Variants in EIF2AK4 observed in about 807,000 individuals in gnomAD.
The protein encoded by EIF2AK4 is eukaryotic translation initiation factor 2 alpha kinase 4, also known as eIF-2-alpha kinase GCN2.
Under a neutral mutation model 211.1 loss-of-function variants are expected in EIF2AK4, and 139 were observed. The observed-to-expected ratio is 0.66, with a 90% CI of 0.57 to 0.76. The LOEUF (loss-of-function observed/expected upper bound fraction) is 0.76, where lower values mean the gene tolerates loss of function less well. Among genes scored for constraint, EIF2AK4 ranks in the 30% least tolerant of loss-of-function variants. EIF2AK4 has a pLI of 0.00. For missense variants in EIF2AK4, 1,664 were observed against 2,043.8 expected, an observed-to-expected ratio of 0.81 and a Z score of 3.58; for synonymous variants, 710 against 751.3, an observed-to-expected ratio of 0.94 and a Z score of 0.90.
chr15:40,005,733 G>A (rs563963057), intron 23 of EIF2AK4, among the ~76,000 whole-genome samples: 55 of 151,514 alleles, frequency 3.6e-4, no homozygotes, highest in African/African-American at 1.2e-3. Context: ...TACCATGCCC[G>A]GCTAATTTTT....
At chr15:40,012,070 T>C (rs1486685565) in intron 27 of EIF2AK4, among the ~76,000 whole-genome samples, 4 of 152,208 alleles carry the variant, frequency 2.6e-5, no homozygotes, top group Non-Finnish European at 4.4e-5. Context: ...CTCAATTATA[T>C]GATCTTGCAT....
At position 40,028,703 on chromosome 15, in the gene EIF2AK4, A is replaced by C. The variant is rs373468914; in HGVS notation, c.4503-703A>C. ...CACCATTAGGTGTTTCTGAGGGAAC[A>C]TAATGTTCTGGAAATCACCAGTATT... On this transcript the variant is annotated intron_variant, in intron 33 of 38. Coordinates refer to ENST00000263791, the MANE Select transcript of EIF2AK4 (RefSeq NM_001013703.4). Among the ~76,000 whole-genome samples, 4 of 152,332 alleles carry C rather than the reference A, an allele frequency of 2.6e-5. No individual in the cohort carries two copies. The South Asian group carries it at 8.3e-4, about 32-fold the overall frequency.
chr15:39,965,339 G>A (rs977253759), intron 7 of EIF2AK4, among the ~76,000 whole-genome samples: 2 of 152,124 alleles, frequency 1.3e-5, no homozygotes, highest in African/African-American at 4.8e-5. Context: ...GTCCAGGCTG[G>A]TCTCGAACTC....
At chr15:39,979,747 C>T (rs576157844) in intron 13 of EIF2AK4, among the ~76,000 whole-genome samples, 2 of 152,230 alleles carry the variant, frequency 1.3e-5, no homozygotes, top group East Asian at 3.9e-4. Context: ...AAATGGCCAT[C>T]CCAGATAGAT....
Position 39,964,435 on chromosome 15 carries a change from T to A in EIF2AK4, c.860-1251T>A, listed in dbSNP as rs141393993. ...AGCCTGCAGGACATTTGATGATGTC[T>A]GCACACATTTTTGATGGCTAACATT... On this transcript the variant is annotated intron_variant, in intron 7 of 38. Coordinates refer to ENST00000263791, the MANE Select transcript of EIF2AK4 (RefSeq NM_001013703.4). Among the ~76,000 whole-genome samples, 464 of 152,300 alleles carry A rather than the reference T, an allele frequency of 3.0e-3. 1 individual carries two copies. Among genetic ancestry groups the A allele is most frequent in the Non-Finnish European group, 5.7e-3 (386 of 68,018 alleles).
intron 23 of EIF2AK4, among the ~76,000 whole-genome samples, chr15:40,003,764 T>C (rs1227730790): frequency 6.6e-6 from 1 of 152,252 alleles, no homozygotes; most frequent in East Asian, 1.9e-4. Flanking sequence ...TGCCCGTGCC[T>C]GCTTTCTTCC....
intron 31 of EIF2AK4, chr15:40,022,214 GTA>G (rs761754554): frequency 0.027 from 6,357 of 232,378 alleles, 352 homozygotes; most frequent in African/African-American, 0.083. Flanking sequence ...GTGTGTGTGT[GTA>G]TGTTGTGTTG....
chr15:39,983,384 T>G (rs374682056), intron 13 of EIF2AK4, among the ~76,000 whole-genome samples: 3 of 152,354 alleles, frequency 2.0e-5, no homozygotes, highest in East Asian at 3.9e-4. Flanking sequence ...TTGCCCACTT[T>G]TTGATGGAGT....
chr15:39,997,695 G>C (rs1474451289), intron 19 of EIF2AK4, among the ~76,000 whole-genome samples: 1 of 152,124 alleles, frequency 6.6e-6, no homozygotes, highest in Non-Finnish European at 1.5e-5. Context: ...CCCTTGAAAT[G>C]TTTTTCCCAA....
chr15:39,956,216 G>A (rs1405669478), intron 6 of EIF2AK4, among the ~76,000 whole-genome samples: 1 of 151,984 alleles, frequency 6.6e-6, no homozygotes, highest in Admixed American at 6.6e-5. Context: ...GTGTTGGCCA[G>A]GCTGGTCTCG....
Position 39,973,661 on chromosome 15 carries a change from G to A in EIF2AK4, c.1730G>A (p.Ser577Asn), listed in dbSNP as rs1444155957. The change falls in exon 11 of 39, where the codon AGT (serine) becomes AAT (asparagine). Residue 577 changes from serine to asparagine, a missense_variant. By Grantham distance (46) the Ser-to-Asn change is conservative. Around this residue, in one of 7 missense-constraint regions of EIF2AK4, gnomAD observed 641 missense variants for 729.6 expected, o/e 0.88. Coordinates refer to ENST00000263791, the MANE Select transcript of EIF2AK4 (RefSeq NM_001013703.4). ...CGGCTACCCAGTGCTGCCTTCTTTA[G>A]TGAGACACAGAGACAGTTTTCCCGA... ...SNRLPSAAFF[S>N]ETQRQFSRYF... is the part of the protein sequence containing the mutation. 1.2e-6 allele frequency: 2 copies of A among 1,614,042 alleles called. No homozygotes were observed. The highest frequency in any genetic ancestry group is 2.7e-5 in the African/African-American group (2 of 74,932).
At chr15:39,984,464 T>C (rs2034836572) in intron 13 of EIF2AK4, among the ~76,000 whole-genome samples, 1 of 152,212 alleles carries the variant, frequency 6.6e-6, no homozygotes, top group Admixed American at 6.5e-5. Context: ...TTTCACAGTA[T>C]TGTTTCTTCC....
chr15:40,012,085 C>G (rs2035242398), intron 27 of EIF2AK4, among the ~76,000 whole-genome samples: 1 of 152,080 alleles, frequency 6.6e-6, no homozygotes, highest in Non-Finnish European at 1.5e-5. Flanking sequence ...TTGCATTGAT[C>G]AGCAAAATTC....
intron 13 of EIF2AK4, among the ~76,000 whole-genome samples, chr15:39,981,089 A>G (rs1322047035): frequency 1.3e-5 from 2 of 152,104 alleles, no homozygotes; most frequent in Admixed American, 6.6e-5. Context: ...TAAATAAACT[A>G]TGTTGGCTGC....
At chr15:39,944,611 T>A (rs1419079356) in intron 3 of EIF2AK4, among the ~76,000 whole-genome samples, 1 of 152,030 alleles carries the variant, frequency 6.6e-6, no homozygotes, top group African/African-American at 2.4e-5. Flanking sequence ...TTTTTTGTAT[T>A]TTTAGTAGAG....
At chr15:39,989,573 T>C (rs1201869134) in intron 15 of EIF2AK4, among the ~76,000 whole-genome samples, 1 of 152,236 alleles carries the variant, frequency 6.6e-6, no homozygotes, top group Non-Finnish European at 1.5e-5. Flanking sequence ...CATCTAACAC[T>C]GTGCCATACC....
chr15:40,024,916 G>A (rs76536403), intron 32 of EIF2AK4, among the ~76,000 whole-genome samples: 2,283 of 151,954 alleles, frequency 0.015, 51 homozygotes, highest in African/African-American at 0.049. Context: ...TAGTAGAGAC[G>A]AGGTCTCTAC....
intron 27 of EIF2AK4, among the ~76,000 whole-genome samples, chr15:40,014,142 G>A (rs2035274768): frequency 6.6e-6 from 1 of 152,216 alleles, no homozygotes; most frequent in Non-Finnish European, 1.5e-5. Flanking sequence ...TCACACCCAG[G>A]TGATGCTGAT....
In EIF2AK4 at chr15:40,002,764, A is replaced by G. The variant is rs1302192460; in HGVS notation, c.3211A>G (p.Ile1071Val). The G allele has an allele frequency of 6.2e-6, 10 of 1,614,262 alleles. No homozygotes were observed. The highest frequency in any genetic ancestry group is 8.5e-6 in the Non-Finnish European group (10 of 1,180,048). The change falls in exon 22 of 39, where the codon ATC (isoleucine) becomes GTC (valine). Residue 1071 changes from isoleucine (I) to valine (V), a missense_variant. Ile to Val is a conservative substitution (Grantham distance 29). Around this residue, in one of 7 missense-constraint regions of EIF2AK4, gnomAD observed 622 missense variants for 796.8 expected, o/e 0.78. Transcript: ENST00000263791. ...AKMQQHVCETIIRIFKRHGAV... is the reference protein window; with the variant it reads ...AKMQQHVCETVIRIFKRHGAV... The stretch of plus-strand genomic sequence containing the variant: ...GATGCAGCAGCATGTGTGTGAAACC[A>G]TCATCCGCATCTTTAAAAGACATGG...
Sources: allele counts gnomAD v4.1 joint callset (sites outside exome capture counted in the v4.1 genomes callset), GRCh38; gene constraint gnomAD v4.1.1; regional missense constraint gnomAD v4.1.1; transcripts MANE v1.5; gene names NCBI Gene and HGNC (gene_info 2026-07-23, HGNC 2026-07-21).